Variants in PDE3B observed in about 807,000 individuals in gnomAD.
PDE3B encodes cGMP-inhibited 3',5'-cyclic phosphodiesterase 3B.
A neutral mutation model predicts 116.8 loss-of-function variants in PDE3B; 66 were observed. The ratio of observed to expected loss-of-function variants is 0.56; its 90% CI spans 0.46 to 0.69. PDE3B has a LOEUF of 0.69. Among genes scored for constraint, PDE3B ranks in the 30% least tolerant of loss-of-function variants. The pLI, the probability that PDE3B is intolerant of heterozygous loss-of-function variation, is 0.00. For missense variants in PDE3B, 1,384 were observed against 1,368.1 expected (o/e 1.01, Z -0.18); for synonymous variants, 595 against 533.6 (o/e 1.12, Z -1.59).
In PDE3B at chr11:14,779,689, A is replaced by G. The variant is rs541269348; in HGVS notation, c.1030-6748A>G. Among the ~76,000 whole-genome samples, 69 of 152,344 alleles carry G rather than the reference A, an allele frequency of 4.5e-4. No homozygotes were observed. In the East Asian group the frequency reaches 0.012, roughly 27 times the overall value. The stretch of plus-strand genomic sequence containing the variant: ...GGAAGCACTAAACATGGAAAGGAAC[A>G]ACTGCTACCAGCCACTGCAAAAACA... On this transcript the variant is annotated intron_variant, in intron 2 of 15. Coordinates refer to ENST00000282096, the MANE Select transcript of PDE3B (RefSeq NM_000922.4).
At chr11:14,822,344 G>C (rs1465890919) in intron 7 of PDE3B, among the ~76,000 whole-genome samples, 3 of 152,234 alleles carry the variant, frequency 2.0e-5, no homozygotes, top group Non-Finnish European at 4.4e-5. Flanking sequence ...AATGTGCACT[G>C]CTGTCATGGA....
chr11:14,849,040 G>A (rs1436790427), intron 12 of PDE3B, among the ~76,000 whole-genome samples: 3 of 151,924 alleles, frequency 2.0e-5, no homozygotes, highest in Non-Finnish European at 4.4e-5. Context: ...TCAATCCTAA[G>A]CCAAAAGAAC....
At chr11:14,829,731 A>G (rs980014403) in intron 7 of PDE3B, among the ~76,000 whole-genome samples, 1 of 152,154 alleles carries the variant, frequency 6.6e-6, no homozygotes, top group Non-Finnish European at 1.5e-5. Context: ...AGAAAAAAAT[A>G]GTAATTGGGT....
chr11:14,893,647 C>T, the PDE3B span, among the ~76,000 whole-genome samples: 1 of 152,144 alleles, frequency 6.6e-6, no homozygotes, highest in Non-Finnish European at 1.5e-5. Flanking sequence ...TCTTCAAGGC[C>T]ATTAATGTCA....
intron 1 of PDE3B, among the ~76,000 whole-genome samples, chr11:14,709,120 A>G (rs563414403): frequency 6.6e-6 from 1 of 152,214 alleles, no homozygotes; most frequent in East Asian, 1.9e-4. Context: ...AGAGGTAGAA[A>G]AGATTAGTGT....
rs2133998690 is a variant in PDE3B, at chr11:14,869,667, T to C, written c.*7T>C. The C allele has an allele frequency of 6.2e-7, 1 of 1,611,222 alleles. No individual in the cohort carries two copies. The highest frequency in any genetic ancestry group is 8.5e-7 in the Non-Finnish European group (1 of 1,178,580). Reference sequence around the variant, plus strand: ...GGCAGATGAAGAGGAATAGCGACAGTTTGAGTAAAAGAAAAGTCATATTGA... The same window carrying C: ...GGCAGATGAAGAGGAATAGCGACAGCTTGAGTAAAAGAAAAGTCATATTGA... On this transcript the variant is annotated 3_prime_UTR_variant, in exon 16 of 16. Coordinates refer to ENST00000282096, the MANE Select transcript of PDE3B (RefSeq NM_000922.4).
chr11:14,857,746 CT>C (rs1409353739), intron 12 of PDE3B, among the ~76,000 whole-genome samples: 1 of 152,074 alleles, frequency 6.6e-6, no homozygotes, highest in African/African-American at 2.4e-5. Context: ...ATCTTGCTAT[CT>C]GTAAGTTTAT....
At chr11:14,746,031 T>C (rs1292039954) in intron 1 of PDE3B, among the ~76,000 whole-genome samples, 1 of 152,234 alleles carries the variant, frequency 6.6e-6, no homozygotes, top group Admixed American at 6.5e-5. Flanking sequence ...CCCCAGCTGC[T>C]AGGAAGATTG....
intron 1 of PDE3B, among the ~76,000 whole-genome samples, chr11:14,754,626 C>G (rs753296637): frequency 2.6e-5 from 4 of 151,920 alleles, no homozygotes; most frequent in Admixed American, 6.6e-5. Context: ...TATTTCTAGC[C>G]AGGTGCAGTG....
chr11:14,782,910 T>A (rs940755348), intron 2 of PDE3B, among the ~76,000 whole-genome samples: 1 of 151,986 alleles, frequency 6.6e-6, no homozygotes, highest in African/African-American at 2.4e-5. Context: ...TAAACAAATT[T>A]ACAAGAAAAA....
chr11:14,666,985 G>C (rs1012031227), intron 1 of PDE3B, among the ~76,000 whole-genome samples: 1 of 151,640 alleles, frequency 6.6e-6, no homozygotes, highest in Non-Finnish European at 1.5e-5. Context: ...ACATGCACAC[G>C]TATGTTTATT....
rs72632973 is a variant in PDE3B, at chr11:14,700,156, G to T, written c.978+55103G>T. ...AGTAAGTTTTATTTGCCATTGTATAGGCTTAATTGGTTAACATGTGGCTGC... is the reference window on the plus strand; with the variant it reads ...AGTAAGTTTTATTTGCCATTGTATATGCTTAATTGGTTAACATGTGGCTGC... On this transcript the variant is annotated intron_variant, in intron 1 of 15. Transcript: ENST00000282096. Among the ~76,000 whole-genome samples the T allele has an allele frequency of 7.0e-3, 1,067 of 151,698 alleles. 72 individuals are homozygous for T. The East Asian group carries it at 0.15, about 21-fold the overall frequency.
intron 12 of PDE3B, among the ~76,000 whole-genome samples, chr11:14,845,154 G>A (rs1434349106): frequency 1.3e-5 from 2 of 152,048 alleles, no homozygotes; most frequent in South Asian, 4.2e-4. Context: ...CCAGAGGAAC[G>A]ATCAGACAGC....
intron 3 of PDE3B, among the ~76,000 whole-genome samples, chr11:14,787,143 A>G (rs1858231364): frequency 6.6e-6 from 1 of 151,978 alleles, no homozygotes; most frequent in African/African-American, 2.4e-5. Context: ...TTTTACACCT[A>G]CTGAAGATTA....
intron 1 of PDE3B, among the ~76,000 whole-genome samples, chr11:14,769,664 T>C (rs1258011864): frequency 6.8e-6 from 1 of 147,590 alleles, no homozygotes; most frequent in Non-Finnish European, 1.5e-5. Flanking sequence ...TTAAATATTA[T>C]ATATACATAT....
intron 1 of PDE3B, among the ~76,000 whole-genome samples, chr11:14,747,419 A>G (rs1332669961): frequency 2.6e-5 from 4 of 152,244 alleles, no homozygotes; most frequent in Non-Finnish European, 5.9e-5. Context: ...CAAAGCCTCA[A>G]CATTGTAAAA....
intron 2 of PDE3B, among the ~76,000 whole-genome samples, chr11:14,777,190 T>G (rs1337834500): frequency 6.6e-6 from 1 of 152,110 alleles, no homozygotes; most frequent in African/African-American, 2.4e-5. Flanking sequence ...CATAGATCAA[T>G]AGAATTTAGC....
intron 13 of PDE3B, among the ~76,000 whole-genome samples, chr11:14,860,025 G>C (rs1326628594): frequency 9.9e-5 from 15 of 152,120 alleles, no homozygotes; most frequent in Non-Finnish European, 1.9e-4. Flanking sequence ...TGGTAACAAA[G>C]GAGTACTAGA....
intron 1 of PDE3B, chr11:14,673,736 C>A: frequency 2.6e-6 from 2 of 766,926 alleles, no homozygotes; most frequent in Non-Finnish European, 2.4e-6. Flanking sequence ...TATAGGCCAA[C>A]ATTGCTCCAA....
Sources: gnomAD v4.1 joint callset for allele counts (sites outside exome capture counted in the v4.1 genomes callset) on GRCh38, gnomAD v4.1.1 for gene constraint, MANE v1.5 for transcripts, NCBI Gene and HGNC (gene_info 2026-07-23, HGNC 2026-07-21) for gene names.